TNXB: variants seen among roughly 807,000 people sequenced by gnomAD.
The protein encoded by TNXB is tenascin XB.
TNXB carries 183 observed loss-of-function variants against 340.5 expected under a neutral mutation model. The observed-to-expected ratio is 0.54, with a 90% CI of 0.48 to 0.61. The LOEUF is 0.61. TNXB is among the 20% of genes least tolerant of loss of function. The pLI is 0.00. For missense variants in TNXB, 4,613 were observed against 5,446.4 expected (o/e 0.85, Z 4.82); for synonymous variants, 2,121 against 2,314.5 (o/e 0.92, Z 2.40).
chr6:32,051,389 G>A lies in TNXB; in HGVS notation c.9116-1068C>T, dbSNP rs1048728122. ...CTAACCTCTGTGAGGATTCATGAAT[G>A]CAAGAAAAATTCGCTTCAACAAATT... On this transcript the variant is annotated intron_variant, in intron 26 of 43. Transcript: ENST00000644971. The surrounding 1 kb of genome is among the most constrained non-coding windows in gnomAD (Gnocchi z 4.7). Among the ~76,000 whole-genome samples, 8 of 152,194 alleles carry A rather than the reference G, an allele frequency of 5.3e-5. No homozygotes were observed. Among genetic ancestry groups the A allele is most frequent in the Admixed American group, 1.3e-4 (2 of 15,280 alleles).
rs1779316625 is a variant in TNXB, at chr6:32,079,461, G to A, written c.4043-96C>T. ...AATGCCCTTACGCTGTGGGCTCAGGGGCTCTGTAGCCTTTGTATTTGCCAT... is the reference window on the plus strand; with the variant it reads ...AATGCCCTTACGCTGTGGGCTCAGGAGCTCTGTAGCCTTTGTATTTGCCAT... On this transcript the variant is annotated intron_variant, in intron 10 of 43. Transcript: ENST00000644971. This position sits in a 1 kb window ranked among gnomAD's most constrained non-coding sequence, Gnocchi z 7.1. 1.5e-5 allele frequency: 15 copies of A among 1,026,402 alleles called. No homozygotes were observed. The highest frequency in any genetic ancestry group is 2.8e-5 in the Admixed American group (1 of 35,294). 63.6% of individuals were successfully genotyped at this position (1,026,402 alleles called of 1,614,324 possible).
Position 32,085,709 on chromosome 6 carries a change from C to A in TNXB, c.3148+41G>T. 2 of 1,491,254 alleles carry A rather than the reference C, an allele frequency of 1.3e-6. No individual in the cohort carries two copies. The highest frequency in any genetic ancestry group is 1.8e-6 in the Non-Finnish European group (2 of 1,120,510). The allele number at this position is 1,491,254 out of a possible 1,614,324, so 92.4% of individuals were successfully genotyped here. ...AGTCCCAATAACCCCAGCTCCTCCCCCAATCTCAGGATATTGATCTGAGCA... is the reference window on the plus strand; with the variant it reads ...AGTCCCAATAACCCCAGCTCCTCCCACAATCTCAGGATATTGATCTGAGCA... On this transcript the variant is annotated intron_variant, in intron 7 of 43. Transcript: ENST00000644971. The surrounding 1 kb of genome is among the most constrained non-coding windows in gnomAD (Gnocchi z 6.4).
rs756281028 is a variant in TNXB, at chr6:32,051,685, C to T, written c.9115+985G>A. On this transcript the variant is annotated intron_variant, in intron 26 of 43. Coordinates refer to ENST00000644971, the MANE Select transcript of TNXB (RefSeq NM_001365276.2). The surrounding 1 kb of genome is among the most constrained non-coding windows in gnomAD (Gnocchi z 4.7). ...TTGGGAGGTCAAGGTGGGAGACTCG[C>T]TTGAGGCCAGGAGTTTGAGACCAGC... Among the ~76,000 whole-genome samples the T allele has an allele frequency of 7.8e-4, 118 of 152,168 alleles. 1 individual carries two copies. Among genetic ancestry groups the T allele is most frequent in the Non-Finnish European group, 3.2e-4 (22 of 68,000 alleles).
chr6:32,095,121 C>A lies in TNXB; in HGVS notation c.2313G>T (p.Pro771=), dbSNP rs758324098. Residue 771 remains proline, a synonymous_variant, in exon 4 of 44, where the codon CCG becomes CCT. Coordinates refer to ENST00000644971, the MANE Select transcript of TNXB (RefSeq NM_001365276.2). Reference sequence around the variant, plus strand: ...CATAGGCATCCACGGGGCCAGGAGCCGGGGTCCACTCTGTCCGAACTGTTG... The same window carrying A: ...CATAGGCATCCACGGGGCCAGGAGCAGGGGTCCACTCTGTCCGAACTGTTG... ...EETTVRTEWT[P]APGPVDAYEI... is the part of the protein sequence containing the mutation. The A allele has an allele frequency of 7.7e-6, 12 of 1,549,514 alleles. No individual in the cohort carries two copies. Among genetic ancestry groups the A allele is most frequent in the Non-Finnish European group, 9.6e-6 (11 of 1,146,248 alleles).
At position 32,071,975 on chromosome 6, in the gene TNXB, AG is replaced by A; in HGVS notation, c.4990+14del. Reference sequence around the variant, plus strand: ...GCTGTGGCCTCAGGCTCAGCTGTGTAGGGGCCCATCTCACCCGTCTTTGCCT... The same window carrying A: ...GCTGTGGCCTCAGGCTCAGCTGTGTAGGGCCCATCTCACCCGTCTTTGCCT... On this transcript the variant is annotated intron_variant, in intron 13 of 43. Coordinates refer to ENST00000644971, the MANE Select transcript of TNXB (RefSeq NM_001365276.2). The A allele has an allele frequency of 6.3e-7, 1 of 1,580,178 alleles. No homozygotes were observed. The highest frequency in any genetic ancestry group is 8.6e-7 in the Non-Finnish European group (1 of 1,161,112).
intron 1 of TNXB, among the ~76,000 whole-genome samples, chr6:32,101,455 A>T (rs528193224): frequency 3.7e-4 from 56 of 151,872 alleles, no homozygotes; most frequent in African/African-American, 1.4e-3. Flanking sequence ...TACTTGGCTC[A>T]TTTTTTTGTA....
chr6:32,048,224 C>G (rs1421604157), intron 29 of TNXB, 139 bp downstream of exon 29: 2 of 1,083,974 alleles, frequency 1.8e-6, no homozygotes, highest in Admixed American at 5.7e-5. Context: ...GAGAGGAGAG[C>G]TCAGGGCCTG....
In TNXB at chr6:32,074,748, T is replaced by C. The variant is rs1212821160; in HGVS notation, c.4376-796A>G. ...CAGGCTGGTGTGCGATGGCGCCCTC[T>C]CGGCTCACCGCAACCTACGCCTCCT... On this transcript the variant is annotated intron_variant, in intron 11 of 43. Transcript: ENST00000644971. This position sits in a 1 kb window ranked among gnomAD's most constrained non-coding sequence, Gnocchi z 5.5. Among the ~76,000 whole-genome samples, 1 of 152,116 alleles carries C rather than the reference T, an allele frequency of 6.6e-6. No individual in the cohort carries two copies. Among genetic ancestry groups the C allele is most frequent in the Non-Finnish European group, 1.5e-5 (1 of 68,020 alleles).
In TNXB at chr6:32,068,097, T is replaced by A; in HGVS notation, c.6221-113A>T. The A allele has an allele frequency of 7.1e-7, 1 of 1,407,516 alleles. No homozygotes were observed. Among genetic ancestry groups the A allele is most frequent in the South Asian group, 1.4e-5 (1 of 70,600 alleles). The allele number at this position is 1,407,516 out of a possible 1,614,324, so 87.2% of individuals were successfully genotyped here. ...AGGTCAGTTCAGAGAGGCCTACTCT[T>A]GGGGCTGGGTGGTCCTGCTCAGCTG... On this transcript the variant is annotated intron_variant, in intron 17 of 43. Transcript: ENST00000644971. This position sits in a 1 kb window ranked among gnomAD's most constrained non-coding sequence, Gnocchi z 5.3.
At position 32,070,146 on chromosome 6, in the gene TNXB, G is replaced by GAGAGGGCC; in HGVS notation, c.5251_5258dup (p.Thr1754AlafsTer34). Reference sequence around the variant, plus strand: ...CCTCACCCGTGGTGCCGTCGGCAGTGAGAGGGCCATGGCGCTTCTTGCCCA... The same window carrying GAGAGGGCC: ...CCTCACCCGTGGTGCCGTCGGCAGTGAGAGGGCCAGAGGGCCATGGCGCTTCTTGCCCA... On this transcript the variant is annotated frameshift_variant, in exon 14 of 44. Coordinates refer to ENST00000644971, the MANE Select transcript of TNXB (RefSeq NM_001365276.2). LOFTEE classifies it high-confidence loss of function. This position sits in a 1 kb window ranked among gnomAD's most constrained non-coding sequence, Gnocchi z 6.0. 6.3e-7 allele frequency: 1 copy of GAGAGGGCC among 1,584,056 alleles called. No homozygotes were observed. The highest frequency in any genetic ancestry group is 8.6e-7 in the Non-Finnish European group (1 of 1,161,670).
In TNXB at chr6:32,056,018, G is replaced by A. The variant is rs201649053; in HGVS notation, c.8300C>T (p.Thr2767Ile). The change falls in exon 24 of 44, where the codon ACC (threonine) becomes ATC (isoleucine). Residue 2767 changes from threonine (T) to isoleucine (I), a missense_variant. Transcript: ENST00000644971. Reference sequence around the variant, plus strand: ...CCCGTCCCTGTCCTTGTACTGCACGGTGAAGGAGTCGAAGTGGCCCTGGGG... The same window carrying A: ...CCCGTCCCTGTCCTTGTACTGCACGATGAAGGAGTCGAAGTGGCCCTGGGG... The part of the protein sequence containing the change: ...TIPQGHFDSF[T>I]VQYKDRDGRP... 1.4e-4 allele frequency: 232 copies of A among 1,613,170 alleles called. 1 individual carries two copies. Among genetic ancestry groups the A allele is most frequent in the Middle Eastern group, 1.3e-3 (8 of 6,004 alleles).
chr6:32,061,741 G>C lies in TNXB; in HGVS notation c.7169-21C>G. 6.2e-7 allele frequency: 1 copy of C among 1,605,768 alleles called. No homozygotes were observed. Among genetic ancestry groups the C allele is most frequent in the Non-Finnish European group, 8.5e-7 (1 of 1,174,756 alleles). ...TGCAGCTGAGAAAAAGGGACACAGA[G>C]AGGATGGCAGGGTCCCTGGGGGATG... is the stretch of plus-strand genomic sequence containing the variant. On this transcript the variant is annotated intron_variant, in intron 20 of 43. Transcript: ENST00000644971. This position sits in a 1 kb window ranked among gnomAD's most constrained non-coding sequence, Gnocchi z 4.4.
chr6:32,081,607 G>T lies in TNXB; in HGVS notation c.3803C>A (p.Thr1268Lys). 6.2e-7 allele frequency: 1 copy of T among 1,601,714 alleles called. No homozygotes were observed. The highest frequency in any genetic ancestry group is 8.5e-7 in the Non-Finnish European group (1 of 1,174,874). Residue 1268 changes from threonine (T) to lysine (K), a missense_variant, in exon 10 of 44, where the codon ACA (threonine) becomes AAA (lysine). Physicochemically the swap from Thr to Lys is moderately conservative, Grantham distance 78 (BLOSUM62 -1). Coordinates refer to ENST00000644971, the MANE Select transcript of TNXB (RefSeq NM_001365276.2). The surrounding 1 kb of genome is among the most constrained non-coding windows in gnomAD (Gnocchi z 5.1). Reference protein sequence around the residue: ...FLEQPLLGELTVTGVTPDSLR... With the variant: ...FLEQPLLGELKVTGVTPDSLR... Reference sequence around the variant, plus strand: ...GGAGTCTGGGGTCACGCCGGTCACTGTCAGTTCCCCCAGGAGGGGCTGCTC... The same window carrying T: ...GGAGTCTGGGGTCACGCCGGTCACTTTCAGTTCCCCCAGGAGGGGCTGCTC...
chr6:32,098,113 C>A lies in TNXB; in HGVS notation c.86G>T (p.Arg29Leu). 1 of 1,599,934 alleles carries A rather than the reference C, an allele frequency of 6.3e-7. No homozygotes were observed. The highest frequency in any genetic ancestry group is 1.7e-5 in the Admixed American group (1 of 59,792). The change falls in exon 2 of 44, where the codon CGG becomes CTG. Residue 29 changes from arginine (R) to leucine (L), a missense_variant. Around this residue, in one of 7 missense-constraint regions of TNXB, gnomAD observed 4,327 missense variants for 4,859.4 expected, o/e 0.89. Transcript: ENST00000644971. ...STARAGPFSS[R>L]SNVTLPAPRP... is the part of the protein sequence containing the mutation. Reference sequence around the variant, plus strand: ...GGGGGCTGGCAGTGTCACATTGGACCGTGAAGAGAAGGGGCCTGCTCTGGC... The same window carrying A: ...GGGGGCTGGCAGTGTCACATTGGACAGTGAAGAGAAGGGGCCTGCTCTGGC...
Position 32,049,756 on chromosome 6 carries a change from C to T in TNXB, c.9440-169G>A, listed in dbSNP as rs1562790674. Among the ~76,000 whole-genome samples, 1 of 151,704 alleles carries T rather than the reference C, an allele frequency of 6.6e-6. No individual in the cohort carries two copies. The highest frequency in any genetic ancestry group is 1.5e-5 in the Non-Finnish European group (1 of 67,932). ...GACAGCTAACACACGTAACAAGTTC[C>T]AGGGTCAGCTGTGGGGGACCTGGCA... On this transcript the variant is annotated intron_variant, in intron 27 of 43. Coordinates refer to ENST00000644971, the MANE Select transcript of TNXB (RefSeq NM_001365276.2). This position sits in a 1 kb window ranked among gnomAD's most constrained non-coding sequence, Gnocchi z 4.5.
chr6:32,042,522 A>T lies in TNXB; in HGVS notation c.12143T>A (p.Leu4048His), dbSNP rs574162633. 21 of 1,612,406 alleles carry T rather than the reference A, an allele frequency of 1.3e-5. No individual in the cohort carries two copies. The African/African-American group carries it at 2.4e-4, about 18-fold the overall frequency. Residue 4048 changes from leucine (L) to histidine (H), a missense_variant, in exon 40 of 44, where the codon CTC becomes CAC. Leu to His is a moderately conservative substitution (Grantham distance 99, BLOSUM62 -3). Around this residue, in one of 7 missense-constraint regions of TNXB, gnomAD observed 121 missense variants for 177.4 expected, o/e 0.68. Transcript: ENST00000644971. ...CAGGGGCCGCTCGCGGTTGCCGTTGAGGAAGATGGTGCTGGTCCTGGAGGC... is the reference window on the plus strand; with the variant it reads ...CAGGGGCCGCTCGCGGTTGCCGTTGTGGAAGATGGTGCTGGTCCTGGAGGC... Reference protein sequence around the residue: ...AGASRTSTIFLNGNRERPLNV... With the variant: ...AGASRTSTIFHNGNRERPLNV...
rs769359450 is a variant in TNXB at position 32,083,924 on chromosome 6, G to T, written c.3445+489C>A. ...CGATCCTCCTGCCTTGGCCTCCCAA[G>T]GTGCTGGGATTATAGGCAGGATCAA... is the stretch of plus-strand genomic sequence containing the variant. On this transcript the variant is annotated intron_variant, in intron 8 of 43. Transcript: ENST00000644971. The surrounding 1 kb of genome is among the most constrained non-coding windows in gnomAD (Gnocchi z 4.6). Among the ~76,000 whole-genome samples, 15 of 152,140 alleles carry T rather than the reference G, an allele frequency of 9.9e-5. No homozygotes were observed. Among genetic ancestry groups the T allele is most frequent in the Non-Finnish European group, 1.8e-4 (12 of 68,002 alleles).
rs1376321921 is a variant in TNXB, at chr6:32,081,679, A to G, written c.3737-6T>C. On this transcript the variant is annotated splice_region_variant and splice_polypyrimidine_tract_variant and intron_variant, in intron 9 of 43. Transcript: ENST00000644971. The surrounding 1 kb of genome is among the most constrained non-coding windows in gnomAD (Gnocchi z 5.1). ...CTCCTCTTTCCTCTCTGGAGCTGTA[A>G]ACAAGGAGATCCAGCCAGGTGCTGA... 1 of 1,564,028 alleles carries G rather than the reference A, an allele frequency of 6.4e-7. No homozygotes were observed. Among genetic ancestry groups the G allele is most frequent in the South Asian group, 1.2e-5 (1 of 84,918 alleles).
intron 22 of TNXB, 59 bp from the exon 23 acceptor site, chr6:32,056,962 AGAAAG>A: frequency 6.3e-7 from 1 of 1,586,704 alleles, no homozygotes; most frequent in Non-Finnish European, 8.6e-7. Flanking sequence ...AGTTCAGCAT[AGAAAG>A]GATGTGTCAC....
Sources: gnomAD v4.1 joint callset for allele counts (sites outside exome capture counted in the v4.1 genomes callset) on GRCh38, gnomAD v4.1.1 for gene constraint, gnomAD v4.1.1 regional missense constraint, Gnocchi (gnomAD v3.1) non-coding constraint, MANE v1.5 for transcripts, NCBI Gene and HGNC (gene_info 2026-07-23, HGNC 2026-07-21) for gene names.